Variants in AGFG2 observed in about 807,000 individuals in gnomAD.
The protein encoded by AGFG2 is ArfGAP with FG repeats 2.
AGFG2 carries 31 observed loss-of-function variants against 48.0 expected under a neutral mutation model. That is an observed-to-expected ratio of 0.65 (90% CI 0.49 to 0.87). AGFG2 has a LOEUF of 0.87. Ranked by LOEUF, AGFG2 falls within the 40% of genes least tolerant of loss-of-function variation. The pLI is 0.00. For synonymous variants in AGFG2, 229 were observed against 260.8 expected (o/e 0.88, Z 1.18); for missense variants, 599 against 632.6 (o/e 0.95, Z 0.57).
intron 4 of AGFG2, 94 bp from the exon 5 acceptor site, chr7:100,553,999 C>G: frequency 6.9e-7 from 1 of 1,447,454 alleles, no homozygotes; most frequent in Admixed American, 2.2e-5. Context: ...TCTTCTCTCT[C>G]TACCTGCCTA....
chr7:100,555,971 T>C, intron 6 of AGFG2: 1 of 464,686 alleles, frequency 2.2e-6, no homozygotes, highest in Non-Finnish European at 3.7e-6. Context: ...AGGAGCTGTG[T>C]GGGTTATACA....
At position 100,565,371 on chromosome 7, in the gene AGFG2, G is replaced by C. The variant is rs1800984502; in HGVS notation, c.*380G>C. 2 of 256,120 alleles carry C rather than the reference G, an allele frequency of 7.8e-6. No homozygotes were observed. The highest frequency in any genetic ancestry group is 2.1e-4 in the East Asian group (2 of 9,448). 15.9% of individuals were successfully genotyped at this position (256,120 alleles called of 1,614,324 possible). A position where few individuals can be genotyped will look rare whatever the true frequency, so the allele number is the denominator to read the frequency against. Reference sequence around the variant, plus strand: ...AGTGGGGAAGGTAGGGGAAAGATGAGGCACAGTGTTGATGGGGCAGTGACC... The same window carrying C: ...AGTGGGGAAGGTAGGGGAAAGATGACGCACAGTGTTGATGGGGCAGTGACC... On this transcript the variant is annotated 3_prime_UTR_variant, in exon 12 of 12. Coordinates refer to ENST00000300176, the MANE Select transcript of AGFG2 (RefSeq NM_006076.5).
chr7:100,564,803 C>A, intron 11 of AGFG2, 129 bp from the exon 12 acceptor site: 1 of 1,090,272 alleles, frequency 9.2e-7, no homozygotes, highest in Non-Finnish European at 1.4e-6. Context: ...CGTGCCTGGC[C>A]TTTTCTCCCT....
intron 6 of AGFG2, among the ~76,000 whole-genome samples, chr7:100,559,514 G>A (rs994892934): frequency 6.6e-6 from 1 of 152,036 alleles, no homozygotes; most frequent in Non-Finnish European, 1.5e-5. Context: ...ATCTAGCTGC[G>A]TGGTATAAGA....
intron 3 of AGFG2, among the ~76,000 whole-genome samples, chr7:100,551,526 C>T (rs932997279): frequency 2.0e-5 from 3 of 151,252 alleles, no homozygotes; most frequent in South Asian, 2.1e-4. Context: ...TTTATATGTA[C>T]AGTCAGCCCT....
chr7:100,543,992 T>C (rs1800468835), intron 1 of AGFG2, among the ~76,000 whole-genome samples: 1 of 152,244 alleles, frequency 6.6e-6, no homozygotes, highest in East Asian at 1.9e-4. Flanking sequence ...ATCTGTCATT[T>C]GAATCTTAAG....
intron 3 of AGFG2, among the ~76,000 whole-genome samples, chr7:100,552,660 C>T (rs1412480002): frequency 1.3e-5 from 2 of 152,086 alleles, no homozygotes; most frequent in Admixed American, 6.6e-5. Context: ...ACTGTGGAGT[C>T]CCTCCTAGGG....
chr7:100,540,476 C>T (rs752158642), intron 1 of AGFG2, among the ~76,000 whole-genome samples: 16 of 152,048 alleles, frequency 1.1e-4, no homozygotes, highest in Admixed American at 3.9e-4. Context: ...TGGTACTGTT[C>T]GGTCATGCCA....
rs936794657 is a variant in AGFG2, at chr7:100,567,974, T to C, written c.*2983T>C. ...ACTCAGTGGGTCCAATCACCTGGCA[T>C]TGATCACCTGGCATTGATCAGCACC... is the stretch of plus-strand genomic sequence containing the variant. On this transcript the variant is annotated 3_prime_UTR_variant, in exon 12 of 12. Transcript: ENST00000300176. The C allele has an allele frequency of 2.6e-5, 4 of 152,522 alleles. No individual in the cohort carries two copies. Among genetic ancestry groups the C allele is most frequent in the Admixed American group, 6.5e-5 (1 of 15,270 alleles). The allele number at this position is 152,522 out of a possible 1,614,324, so 9.4% of individuals were successfully genotyped here.
At chr7:100,542,652 C>A (rs897570065) in intron 1 of AGFG2, among the ~76,000 whole-genome samples, 2 of 152,078 alleles carry the variant, frequency 1.3e-5, no homozygotes, top group Non-Finnish European at 2.9e-5. Flanking sequence ...GGAGTGGGAG[C>A]TGGCAGGTGG....
Position 100,563,814 on chromosome 7 carries a change from T to G in AGFG2, c.1172-20T>G. The stretch of plus-strand genomic sequence containing the variant: ...CACCTTCCAGAAGTTCACCTGAGCC[T>G]CCCGTCTTTCACTCCATAGGGCCCG... On this transcript the variant is annotated intron_variant, in intron 9 of 11. Transcript: ENST00000300176. 1 of 1,610,172 alleles carries G rather than the reference T, an allele frequency of 6.2e-7. No individual in the cohort carries two copies. Among genetic ancestry groups the G allele is most frequent in the South Asian group, 1.1e-5 (1 of 91,054 alleles).
At chr7:100,564,181 G>C (rs1261827344) in intron 10 of AGFG2, 37 bp from the exon 11 acceptor site, 4 of 1,594,288 alleles carry the variant, frequency 2.5e-6, no homozygotes, top group African/African-American at 1.3e-5. Context: ...CAGGAAGGCA[G>C]GCTGGTGTCA....
rs780110990 is a variant in AGFG2, at chr7:100,563,871, C to T, written c.1209C>T (p.Phe403=). 2 of 1,611,028 alleles carry T rather than the reference C, an allele frequency of 1.2e-6. No individual in the cohort carries two copies. Among genetic ancestry groups the T allele is most frequent in the South Asian group, 2.2e-5 (2 of 91,054 alleles). Reference sequence around the variant, plus strand: ...GGATGAGCAGTGCTGGGCCTGGCTTCCCCCAGGCAGTGCCACCCACTGGGG... The same window carrying T: ...GGATGAGCAGTGCTGGGCCTGGCTTTCCCCAGGCAGTGCCACCCACTGGGG... ...GFGMSSAGPG[F]PQAVPPTGAF... Residue 403 remains phenylalanine (F), a synonymous_variant, in exon 10 of 12, where the codon TTC becomes TTT. Coordinates refer to ENST00000300176, the MANE Select transcript of AGFG2 (RefSeq NM_006076.5).
intron 1 of AGFG2, among the ~76,000 whole-genome samples, chr7:100,546,152 C>T (rs1023041467): frequency 2.0e-5 from 3 of 152,098 alleles, no homozygotes; most frequent in Non-Finnish European, 2.9e-5. Flanking sequence ...CATCCTGTCA[C>T]GTCTGCCGCC....
Position 100,551,040 on chromosome 7 carries a change from ATATATATATATATATATATATATATATT to A in AGFG2, c.431+531_431+558del, listed in dbSNP as rs1351884403. On this transcript the variant is annotated intron_variant, in intron 3 of 11. Transcript: ENST00000300176. ...CCATGCCTGGCTAATTTATATATAT[ATATATATATATATATATATATATATATT>A]TCTTTTTTTTTTTTTTTTTGAGACA... Among the ~76,000 whole-genome samples the A allele has an allele frequency of 7.9e-5, 5 of 62,934 alleles. 1 individual carries two copies. The highest frequency in any genetic ancestry group is 3.1e-4 in the African/African-American group (5 of 16,102). The allele number at this position is 62,934 out of a possible 152,430, so 41.3% of individuals were successfully genotyped here.
chr7:100,550,370 C>T (rs772823759), intron 2 of AGFG2, 26 bp from the exon 3 acceptor site: 1 of 1,424,408 alleles, frequency 7.0e-7, no homozygotes, highest in Non-Finnish European at 9.7e-7. Context: ...TCTGCTCCCA[C>T]TCCTCTGACA....
chr7:100,567,946 G>A lies in AGFG2; in HGVS notation c.*2955G>A, dbSNP rs1402906737. 6.6e-6 allele frequency: 1 copy of A among 152,506 alleles called. No individual in the cohort carries two copies. The highest frequency in any genetic ancestry group is 1.5e-5 in the Non-Finnish European group (1 of 68,050). 9.4% of individuals were successfully genotyped at this position (152,506 alleles called of 1,614,324 possible). On this transcript the variant is annotated 3_prime_UTR_variant, in exon 12 of 12. Transcript: ENST00000300176. ...AGTTGCGTGACTCCAGGTTTGTCCT[G>A]GTACTCAGTGGGTCCAATCACCTGG...
intron 10 of AGFG2, 39 bp downstream of exon 10, chr7:100,564,001 C>T: frequency 6.3e-7 from 1 of 1,598,566 alleles, no homozygotes; most frequent in South Asian, 1.1e-5. Flanking sequence ...CACCCCATCC[C>T]ATCTCTGCAT....
Position 100,555,681 on chromosome 7 carries a change from G to A in AGFG2, c.823G>A (p.Gly275Arg). The change falls in exon 6 of 12, where the codon GGA becomes AGA. Residue 275 changes from glycine to arginine, a missense_variant. Coordinates refer to ENST00000300176, the MANE Select transcript of AGFG2 (RefSeq NM_006076.5). Reference sequence around the variant, plus strand: ...CAGTGGCCCCAGCTCTTCTGTGTTTGGAAGCCTCCCTCCAGCTGGTCAAGC... The same window carrying A: ...CAGTGGCCCCAGCTCTTCTGTGTTTAGAAGCCTCCCTCCAGCTGGTCAAGC... ...FSSGPSSSVF[G>R]SLPPAGQASF... is the part of the protein sequence containing the mutation. 1 of 1,614,102 alleles carries A rather than the reference G, an allele frequency of 6.2e-7. No individual in the cohort carries two copies. Among genetic ancestry groups the A allele is most frequent in the Non-Finnish European group, 8.5e-7 (1 of 1,179,978 alleles).
Sources: allele counts gnomAD v4.1 joint callset (sites outside exome capture counted in the v4.1 genomes callset), GRCh38; gene constraint gnomAD v4.1.1; transcripts MANE v1.5; gene names NCBI Gene and HGNC (gene_info 2026-07-23, HGNC 2026-07-21).